CACNA2D1: variants seen among roughly 807,000 people sequenced by gnomAD.
CACNA2D1 encodes calcium voltage-gated channel auxiliary subunit alpha2delta 1.
Under a neutral mutation model 171.5 loss-of-function variants are expected in CACNA2D1, and 53 were observed. The observed-to-expected ratio is 0.31, with a 90% CI of 0.25 to 0.39. The LOEUF is 0.39. CACNA2D1 is among the 10% of genes least tolerant of loss of function. The pLI is 1.00. For synonymous variants in CACNA2D1, 442 were observed against 443.1 expected (o/e 1.00, Z 0.03); for missense variants, 903 against 1,299.8 (o/e 0.69, Z 4.69).
In CACNA2D1 at chr7:82,329,974, T is replaced by A. The variant is rs1214623490; in HGVS notation, c.294+5161A>T. 3.3e-5 allele frequency among the ~76,000 whole-genome samples: 5 copies of A among 152,196 alleles called. No individual in the cohort carries two copies. In the South Asian group the frequency reaches 1.0e-3, roughly 32 times the overall value. ...TTTATAAAATAAGAATGTATAAATG[T>A]TTAATGTGTCTACTTCACAGAGTTT... On this transcript the variant is annotated intron_variant, in intron 3 of 38. Coordinates refer to ENST00000356860, the MANE Select transcript of CACNA2D1 (RefSeq NM_000722.4).
chr7:82,413,654 G>A (rs573918509), intron 1 of CACNA2D1, among the ~76,000 whole-genome samples: 3 of 152,264 alleles, frequency 2.0e-5, no homozygotes, highest in Admixed American at 6.5e-5. Context: ...AAGTAATTTA[G>A]GAAAAATATA....
At position 82,137,402 on chromosome 7, in the gene CACNA2D1, G is replaced by A. The variant is rs547395561; in HGVS notation, c.355-726C>T. 3.4e-4 allele frequency among the ~76,000 whole-genome samples: 51 copies of A among 152,238 alleles called. 2 individuals are homozygous for A. In the South Asian group the frequency reaches 7.5e-3, roughly 22 times the overall value. The stretch of plus-strand genomic sequence containing the variant: ...CAGGAATTTAAAACTCCTATTCTTT[G>A]TGTCTCTGAGGCTAGTTCTATGTAG... On this transcript the variant is annotated intron_variant, in intron 4 of 38. Transcript: ENST00000356860.
At chr7:82,197,805 A>G (rs1417830880) in intron 3 of CACNA2D1, among the ~76,000 whole-genome samples, 1 of 116,348 alleles carries the variant, frequency 8.6e-6, no homozygotes. Flanking sequence ...TTTTTAAACT[A>G]TACAAACACA....
chr7:82,229,134 A>G (rs1211362766), intron 3 of CACNA2D1, among the ~76,000 whole-genome samples: 1 of 152,160 alleles, frequency 6.6e-6, no homozygotes, highest in Non-Finnish European at 1.5e-5. Flanking sequence ...AATTCTTTCC[A>G]TTATATATCC....
chr7:82,142,475 C>A (rs1320333216), intron 4 of CACNA2D1, among the ~76,000 whole-genome samples: 2 of 152,096 alleles, frequency 1.3e-5, no homozygotes, highest in Non-Finnish European at 2.9e-5. Flanking sequence ...ATAGATTATG[C>A]TAAAAATCTG....
chr7:82,047,299 A>G, intron 10 of CACNA2D1, among the ~76,000 whole-genome samples: 1 of 152,164 alleles, frequency 6.6e-6, no homozygotes, highest in East Asian at 1.9e-4. Flanking sequence ...TGATGAAACA[A>G]TCACATACTG....
chr7:82,210,691 T>C (rs1207847863), intron 3 of CACNA2D1, among the ~76,000 whole-genome samples: 1 of 152,212 alleles, frequency 6.6e-6, no homozygotes, highest in East Asian at 1.9e-4. Context: ...AAAACATTCA[T>C]GCCTTCTGAG....
chr7:82,370,171 C>T, intron 1 of CACNA2D1, among the ~76,000 whole-genome samples: 1 of 151,894 alleles, frequency 6.6e-6, no homozygotes, highest in East Asian at 1.9e-4. Flanking sequence ...AATGCTATTA[C>T]AGAACTCATA....
intron 19 of CACNA2D1, 104 bp from the exon 20 acceptor site, chr7:81,995,043 C>G: frequency 7.7e-6 from 5 of 645,406 alleles, no homozygotes; most frequent in Non-Finnish European, 1.4e-5. Flanking sequence ...TTATTTAGAA[C>G]AAATAAAATA....
intron 12 of CACNA2D1, chr7:82,029,333 TA>T (rs1285274790): frequency 1.3e-5 from 2 of 151,788 alleles, no homozygotes; most frequent in African/African-American, 4.8e-5. Context: ...GACTACAGTA[TA>T]TAGTAAACAT....
Position 82,084,773 on chromosome 7 carries a change from A to G in CACNA2D1, c.654T>C (p.Tyr218=). ...ATTGAATCACTAAGCACCTACCTGG[A>G]TAATATCGAGCTAGGCCAGTGGCAC... is the stretch of plus-strand genomic sequence containing the variant. The part of the protein sequence containing the change: ...FGSATGLARY[Y]PASPWVDNSR... The change falls in exon 7 of 39, where the codon TAT becomes TAC. Residue 218 remains tyrosine, a synonymous_variant. Transcript: ENST00000356860. The G allele has an allele frequency of 6.2e-7, 1 of 1,614,056 alleles. No individual in the cohort carries two copies. The highest frequency in any genetic ancestry group is 8.5e-7 in the Non-Finnish European group (1 of 1,179,904).
chr7:82,030,654 T>C (rs767605464), intron 12 of CACNA2D1, among the ~76,000 whole-genome samples: 2 of 151,764 alleles, frequency 1.3e-5, no homozygotes, highest in African/African-American at 2.4e-5. Flanking sequence ...GATGATTACA[T>C]AATGAAAGGA....
intron 1 of CACNA2D1, among the ~76,000 whole-genome samples, chr7:82,440,553 G>A (rs1830423861): frequency 6.6e-6 from 1 of 151,740 alleles, no homozygotes; most frequent in African/African-American, 2.4e-5. Context: ...ATGTATTTAT[G>A]TTTCACACCT....
At chr7:82,035,503 G>A (rs897494768) in intron 11 of CACNA2D1, among the ~76,000 whole-genome samples, 1 of 152,084 alleles carries the variant, frequency 6.6e-6, no homozygotes, top group Non-Finnish European at 1.5e-5. Context: ...GAACAACTGG[G>A]ACCATATTTT....
At chr7:82,025,124 T>C (rs1486925572) in intron 12 of CACNA2D1, among the ~76,000 whole-genome samples, 1 of 151,676 alleles carries the variant, frequency 6.6e-6, no homozygotes. Context: ...TTTGGCTATT[T>C]TGTGGTCTTT....
intron 18 of CACNA2D1, among the ~76,000 whole-genome samples, chr7:82,003,861 T>C (rs1435672156): frequency 6.6e-6 from 1 of 151,558 alleles, no homozygotes; most frequent in Non-Finnish European, 1.5e-5. Context: ...TCTCCCTGAC[T>C]CAGCCTCCCA....
At chr7:82,232,130 A>G (rs1803008059) in intron 3 of CACNA2D1, among the ~76,000 whole-genome samples, 1 of 152,200 alleles carries the variant, frequency 6.6e-6, no homozygotes, top group South Asian at 2.1e-4. Flanking sequence ...CGAGCCAAAG[A>G]GTATGTGTAT....
chr7:82,167,129 A>C (rs892754860), intron 4 of CACNA2D1, among the ~76,000 whole-genome samples: 1 of 152,100 alleles, frequency 6.6e-6, no homozygotes, highest in Non-Finnish European at 1.5e-5. Context: ...TAAATTATTA[A>C]AGGATGGCAT....
rs187282819 is a variant in CACNA2D1, at chr7:82,147,274, C to T, written c.355-10598G>A. On this transcript the variant is annotated intron_variant, in intron 4 of 38. Transcript: ENST00000356860. ...GAGCTATATCAATTTATTTATTCAT[C>T]TGATAAACTTTAATAGGAATCTGCC... Among the ~76,000 whole-genome samples the T allele has an allele frequency of 1.2e-3, 180 of 152,118 alleles. 1 individual carries two copies. Among genetic ancestry groups the T allele is most frequent in the Admixed American group, 7.5e-3 (115 of 15,274 alleles).
Sources: gnomAD v4.1 joint callset for allele counts (sites outside exome capture counted in the v4.1 genomes callset) on GRCh38, gnomAD v4.1.1 for gene constraint, MANE v1.5 for transcripts, NCBI Gene and HGNC (gene_info 2026-07-23, HGNC 2026-07-21) for gene names.